PLEKHA2: variants seen among roughly 807,000 people sequenced by gnomAD.
PLEKHA2 encodes the protein pleckstrin homology domain-containing family A member 2.
PLEKHA2 carries 28 observed loss-of-function variants against 53.2 expected under a neutral mutation model. The ratio of observed to expected loss-of-function variants is 0.53; its 90% CI spans 0.39 to 0.72. The LOEUF (loss-of-function observed/expected upper bound fraction) is 0.72. Ranked by LOEUF, PLEKHA2 falls within the 30% of genes least tolerant of loss-of-function variation. PLEKHA2 has a pLI of 0.00. For missense variants in PLEKHA2, 426 were observed against 537.9 expected, an observed-to-expected ratio of 0.79 and a Z score of 2.06; for synonymous variants, 193 against 196.4, an observed-to-expected ratio of 0.98 and a Z score of 0.14.
At chr8:38,940,630 C>G (rs72638512) in intron 3 of PLEKHA2, among the ~76,000 whole-genome samples, 8,329 of 95,084 alleles carry the variant, frequency 0.088, 316 homozygotes, top group Middle Eastern at 0.26. Context: ...AAGTCTATGC[C>G]GTGGTCCAGA....
chr8:38,951,896 TAAAC>T (rs1332629677), intron 6 of PLEKHA2, among the ~76,000 whole-genome samples: 1 of 152,124 alleles, frequency 6.6e-6, no homozygotes, highest in Non-Finnish European at 1.5e-5. Flanking sequence ...AAATCAAAAT[TAAAC>T]AAAAATTTTA....
intron 2 of PLEKHA2, among the ~76,000 whole-genome samples, chr8:38,925,114 T>TA (rs1359918037): frequency 3.9e-5 from 6 of 152,204 alleles, no homozygotes; most frequent in Admixed American, 3.3e-4. Flanking sequence ...CACGATGTAA[T>TA]ACAGCCAGTC....
chr8:38,919,996 G>A (rs985900559), intron 2 of PLEKHA2, among the ~76,000 whole-genome samples: 5 of 151,908 alleles, frequency 3.3e-5, no homozygotes, highest in African/African-American at 9.7e-5. Context: ...TTTTGAGACA[G>A]AGTCTTGCTC....
At chr8:38,905,444 C>T (rs1166696913) in intron 1 of PLEKHA2, among the ~76,000 whole-genome samples, 1 of 136,416 alleles carries the variant, frequency 7.3e-6, no homozygotes, top group Non-Finnish European at 1.6e-5. Flanking sequence ...GGCACCAGAG[C>T]GAGACCCTGC....
intron 3 of PLEKHA2, among the ~76,000 whole-genome samples, chr8:38,942,900 G>A (rs1260071858): frequency 1.3e-5 from 2 of 152,122 alleles, no homozygotes; most frequent in African/African-American, 2.4e-5. Flanking sequence ...AATGTTCTCC[G>A]ATTCCATCAG....
At chr8:38,923,394 A>T (rs145361640) in intron 2 of PLEKHA2, among the ~76,000 whole-genome samples, 46 of 152,156 alleles carry the variant, frequency 3.0e-4, no homozygotes, top group Non-Finnish European at 1.0e-4. Context: ...TTTAGTAGAG[A>T]TGGGGTTTCA....
At chr8:38,932,542 C>G (rs942018513) in intron 2 of PLEKHA2, among the ~76,000 whole-genome samples, 1 of 152,180 alleles carries the variant, frequency 6.6e-6, no homozygotes, top group Non-Finnish European at 1.5e-5. Flanking sequence ...TACCTAGGTG[C>G]TGTTTCTTGG....
chr8:38,973,267 T>C lies in PLEKHA2; in HGVS notation c.*3484T>C, dbSNP rs1835285136. ...GGTCAGAATATTGGAGTTATACATC[T>C]ATTTCTGAGTTGAATACTCAGCTCC... On this transcript the variant is annotated 3_prime_UTR_variant, in exon 12 of 12. Transcript: ENST00000617275. 6.6e-6 allele frequency: 1 copy of C among 152,192 alleles called. No individual in the cohort carries two copies. Among genetic ancestry groups the C allele is most frequent in the Non-Finnish European group, 1.5e-5 (1 of 68,038 alleles). The allele number at this position is 152,192 out of a possible 1,614,324, so 9.4% of individuals were successfully genotyped here. A position where few individuals can be genotyped will look rare whatever the true frequency, so the allele number is the denominator to read the frequency against.
Position 38,969,917 on chromosome 8 carries a change from G to T in PLEKHA2, c.*134G>T. The T allele has an allele frequency of 7.6e-7, 1 of 1,314,482 alleles. No individual in the cohort carries two copies. Among genetic ancestry groups the T allele is most frequent in the Non-Finnish European group, 1.0e-6 (1 of 975,482 alleles). 81.4% of individuals were successfully genotyped at this position (1,314,482 alleles called of 1,614,324 possible). The stretch of plus-strand genomic sequence containing the variant: ...TCATATTCCTGTGGATGCTCTTTGG[G>T]AGGGAGGGGCCCATCCAGCTGGGCT... On this transcript the variant is annotated 3_prime_UTR_variant, in exon 12 of 12. Coordinates refer to ENST00000617275, the MANE Select transcript of PLEKHA2 (RefSeq NM_021623.2).
intron 1 of PLEKHA2, among the ~76,000 whole-genome samples, chr8:38,904,312 TA>T (rs1277974653): frequency 6.6e-6 from 1 of 152,252 alleles, no homozygotes; most frequent in Non-Finnish European, 1.5e-5. Flanking sequence ...GGGCTCCTGA[TA>T]TTGCCCAGTG....
intron 5 of PLEKHA2, among the ~76,000 whole-genome samples, chr8:38,947,450 C>CA (rs972862980): frequency 3.3e-5 from 5 of 151,376 alleles, no homozygotes; most frequent in East Asian, 1.9e-4. Flanking sequence ...AACTCCACCT[C>CA]AAAAAAAATA....
chr8:38,917,918 C>T lies in PLEKHA2; in HGVS notation c.-12C>T, dbSNP rs1424706465. 1.2e-6 allele frequency: 2 copies of T among 1,613,208 alleles called. No homozygotes were observed. The highest frequency in any genetic ancestry group is 1.7e-6 in the Non-Finnish European group (2 of 1,179,454). Reference sequence around the variant, plus strand: ...CCTCCTGCGCGCAGGGTGATGTGAGCAGAGCCCAGGAATGCCTTATGTGGA... The same window carrying T: ...CCTCCTGCGCGCAGGGTGATGTGAGTAGAGCCCAGGAATGCCTTATGTGGA... On this transcript the variant is annotated 5_prime_UTR_variant, in exon 2 of 12. Coordinates refer to ENST00000617275, the MANE Select transcript of PLEKHA2 (RefSeq NM_021623.2).
intron 5 of PLEKHA2, 123 bp downstream of exon 5, chr8:38,946,344 C>T: frequency 2.7e-6 from 2 of 737,106 alleles, no homozygotes; most frequent in East Asian, 2.7e-5. Context: ...TGGTCTGTAC[C>T]CAGTTCTCTC....
chr8:38,907,114 CG>C (rs1314107168), intron 1 of PLEKHA2, among the ~76,000 whole-genome samples: 1 of 152,210 alleles, frequency 6.6e-6, no homozygotes, highest in Non-Finnish European at 1.5e-5. Context: ...ACGTACCACA[CG>C]CCCCACTCCT....
chr8:38,940,496 T>C (rs1834585552), intron 3 of PLEKHA2, among the ~76,000 whole-genome samples: 1 of 152,032 alleles, frequency 6.6e-6, no homozygotes, highest in African/African-American at 2.4e-5. Flanking sequence ...GTCAGGATTA[T>C]GCAGAGATCA....
chr8:38,907,095 A>G (rs1017773284), intron 1 of PLEKHA2, among the ~76,000 whole-genome samples: 1 of 152,224 alleles, frequency 6.6e-6, no homozygotes, highest in East Asian at 1.9e-4. Flanking sequence ...GTAACAGGAC[A>G]GAAGATGTAC....
intron 1 of PLEKHA2, among the ~76,000 whole-genome samples, chr8:38,904,127 G>A (rs1833834970): frequency 6.6e-6 from 1 of 152,208 alleles, no homozygotes; most frequent in Admixed American, 6.5e-5. Flanking sequence ...AGAGGTGGGA[G>A]GGATGCGGCC....
intron 1 of PLEKHA2, among the ~76,000 whole-genome samples, chr8:38,907,900 T>C (rs1034773667): frequency 1.3e-5 from 2 of 152,076 alleles, no homozygotes; most frequent in Non-Finnish European, 2.9e-5. Flanking sequence ...TCACCCAGGC[T>C]GGAGTGCAAT....
At chr8:38,956,573 G>A (rs1218935297) in intron 9 of PLEKHA2, among the ~76,000 whole-genome samples, 2 of 152,146 alleles carry the variant, frequency 1.3e-5, no homozygotes, top group African/African-American at 4.8e-5. Context: ...GCTGAGGCAG[G>A]CAGATTGCTT....
Sources: gnomAD v4.1 joint callset for allele counts (sites outside exome capture counted in the v4.1 genomes callset) on GRCh38, gnomAD v4.1.1 for gene constraint, MANE v1.5 for transcripts, NCBI Gene and HGNC (gene_info 2026-07-23, HGNC 2026-07-21) for gene names.